ABCA3: variants seen among roughly 807,000 people sequenced by gnomAD.
The protein encoded by ABCA3 is ATP binding cassette subfamily A member 3.
A neutral mutation model predicts 172.8 loss-of-function variants in ABCA3; 88 were observed. That is an observed-to-expected ratio of 0.51 (90% CI 0.43 to 0.61). The LOEUF is 0.61. Among genes scored for constraint, ABCA3 ranks in the 20% least tolerant of loss-of-function variants. ABCA3 has a pLI of 0.00. For synonymous variants in ABCA3, 1,066 were observed against 983.8 expected (o/e 1.08, Z -1.56); for missense variants, 2,164 against 2,301.0 (o/e 0.94, Z 1.22).
intron 7 of ABCA3, among the ~76,000 whole-genome samples, chr16:2,321,602 T>G (rs1244615533): frequency 6.6e-6 from 1 of 152,132 alleles, no homozygotes; most frequent in African/African-American, 2.4e-5. Flanking sequence ...GCCTGACAGC[T>G]AAGCCTAGTC....
intron 18 of ABCA3, 76 bp downstream of exon 18, chr16:2,295,514 G>C: frequency 6.3e-7 from 1 of 1,595,532 alleles, no homozygotes; most frequent in South Asian, 1.1e-5. Context: ...AGGTGCCTCT[G>C]AGCACAAAGC....
rs149966368 is a variant in ABCA3, at chr16:2,323,365, T to C, written c.613+158A>G. 432 of 900,490 alleles carry C rather than the reference T, an allele frequency of 4.8e-4. 8 individuals are homozygous for C. The East Asian group carries it at 9.8e-3, about 20-fold the overall frequency. 55.8% of individuals were successfully genotyped at this position (900,490 alleles called of 1,614,324 possible). A position where few individuals can be genotyped will look rare whatever the true frequency, so the allele number is the denominator to read the frequency against. ...AAGGACACATGCACACGTATGTTTA[T>C]TGCGGCACTATTCACAACAGCAAAG... On this transcript the variant is annotated intron_variant, in intron 7 of 32. Transcript: ENST00000301732.
At position 2,320,886 on chromosome 16, in the gene ABCA3, G is replaced by A. The variant is rs1303740854; in HGVS notation, c.614-1046C>T. Among the ~76,000 whole-genome samples, 3 of 151,818 alleles carry A rather than the reference G, an allele frequency of 2.0e-5. No homozygotes were observed. The South Asian group carries it at 6.2e-4, about 32-fold the overall frequency. On this transcript the variant is annotated intron_variant, in intron 7 of 32. Coordinates refer to ENST00000301732, the MANE Select transcript of ABCA3 (RefSeq NM_001089.3). ...CCCTCAGGTTCTCTGTCTTGCTGAG[G>A]ACTAACCGACTATTCTTAATAACAA...
rs756765576 is a variant in ABCA3 at position 2,323,605 on chromosome 16, TTCTG to T, written c.527_530del (p.Thr176LysfsTer62). 1 of 1,614,152 alleles carries T rather than the reference TTCTG, an allele frequency of 6.2e-7. No homozygotes were observed. The highest frequency in any genetic ancestry group is 8.5e-7 in the Non-Finnish European group (1 of 1,180,030). On this transcript the variant is annotated frameshift_variant, in exon 7 of 33. Transcript: ENST00000301732. LOFTEE classifies it high-confidence loss of function. ...GGAAAAGGGAAGTAGTGTGCCAGCCTTCTGTCTCTTTCAGGAAAAAGGAGCCTGT... is the reference window on the plus strand; with the variant it reads ...GGAAAAGGGAAGTAGTGTGCCAGCCTTCTCTTTCAGGAAAAAGGAGCCTGT...
chr16:2,323,503 A>G lies in ABCA3; in HGVS notation c.613+20T>C. ...TCAACAGCCCGGGCTGGTAACACGAACCCTAACCGAGCTTCTCACCAGGTT... is the reference window on the plus strand; with the variant it reads ...TCAACAGCCCGGGCTGGTAACACGAGCCCTAACCGAGCTTCTCACCAGGTT... On this transcript the variant is annotated intron_variant, in intron 7 of 32. Coordinates refer to ENST00000301732, the MANE Select transcript of ABCA3 (RefSeq NM_001089.3). The G allele has an allele frequency of 6.2e-7, 1 of 1,613,790 alleles. No individual in the cohort carries two copies. Among genetic ancestry groups the G allele is most frequent in the Non-Finnish European group, 8.5e-7 (1 of 1,179,946 alleles).
chr16:2,323,940 C>T lies in ABCA3; in HGVS notation c.448-252G>A, dbSNP rs2240522. Among the ~76,000 whole-genome samples the T allele has an allele frequency of 1.8e-3, 267 of 152,248 alleles. 2 individuals are homozygous for T. The East Asian group carries it at 0.031, about 18-fold the overall frequency. On this transcript the variant is annotated intron_variant, in intron 6 of 32. Transcript: ENST00000301732. ...TCCTAATTCCATTGTGAAGTGCCAC[C>T]GAGTGTTCAGGATCCCTGGAGGGCC...
In ABCA3 at chr16:2,319,800, C is replaced by G. The variant is rs886051833; in HGVS notation, c.654G>C (p.Val218=). 16 of 1,613,900 alleles carry G rather than the reference C, an allele frequency of 9.9e-6. No homozygotes were observed. Among genetic ancestry groups the G allele is most frequent in the Non-Finnish European group, 1.3e-5 (15 of 1,180,032 alleles). The change falls in exon 8 of 33, where the codon GTG becomes GTC. Residue 218 remains valine (V), a synonymous_variant. Transcript: ENST00000301732. The part of the protein sequence containing the change: ...REGFLAVQHA[V]DRAIMEYHAD... ...CATGGTACTCCATGATGGCCCGGTC[C>G]ACAGCATGCTGCACGGCCAGGAAGC...
At chr16:2,301,129 G>A (rs1238698624) in intron 12 of ABCA3, among the ~76,000 whole-genome samples, 1 of 151,500 alleles carries the variant, frequency 6.6e-6, no homozygotes, top group African/African-American at 2.4e-5. Context: ...TACTCGGGAG[G>A]CTGAGGCAGG....
At position 2,297,721 on chromosome 16, in the gene ABCA3, G is replaced by A; in HGVS notation, c.2052+45C>T. The A allele has an allele frequency of 6.2e-7, 1 of 1,604,454 alleles. No individual in the cohort carries two copies. The highest frequency in any genetic ancestry group is 8.5e-7 in the Non-Finnish European group (1 of 1,179,842). On this transcript the variant is annotated intron_variant, in intron 16 of 32. Coordinates refer to ENST00000301732, the MANE Select transcript of ABCA3 (RefSeq NM_001089.3). The surrounding 1 kb of genome is among the most constrained non-coding windows in gnomAD (Gnocchi z 5.6). ...GGCCATGGCGGAAGGGCCATCCCAG[G>A]TCGAGCAGGAGGGGAACCCACTGCC...
intron 7 of ABCA3, among the ~76,000 whole-genome samples, chr16:2,322,152 C>T (rs1013231117): frequency 8.0e-5 from 12 of 150,250 alleles, no homozygotes; most frequent in East Asian, 2.0e-4. Context: ...GAGCCGAGGT[C>T]GCGCCACTGC....
At chr16:2,313,503 A>T (rs1283012122) in intron 10 of ABCA3, among the ~76,000 whole-genome samples, 1 of 148,884 alleles carries the variant, frequency 6.7e-6, no homozygotes, top group Non-Finnish European at 1.5e-5. Context: ...CAGTGAGCCA[A>T]GATTGTGCCA....
chr16:2,328,235 T>C (rs2093737453), intron 3 of ABCA3, among the ~76,000 whole-genome samples: 1 of 152,060 alleles, frequency 6.6e-6, no homozygotes, highest in Non-Finnish European at 1.5e-5. Flanking sequence ...AAATTTCAAA[T>C]ATCAGAAACA....
At chr16:2,324,760 T>G (rs879353655) in intron 5 of ABCA3, among the ~76,000 whole-genome samples, 2 of 151,970 alleles carry the variant, frequency 1.3e-5, no homozygotes, top group Non-Finnish European at 2.9e-5. Context: ...TGGTGCGGGT[T>G]TTTTGGAGCA....
intron 11 of ABCA3, among the ~76,000 whole-genome samples, chr16:2,305,306 G>C (rs2093695855): frequency 6.6e-6 from 1 of 151,472 alleles, no homozygotes; most frequent in South Asian, 2.1e-4. Flanking sequence ...GCTAATTTTT[G>C]TATTTTTTTT....
In ABCA3 at chr16:2,284,864, C is replaced by T. The variant is rs757197045; in HGVS notation, c.3618G>A (p.Ala1206=). The T allele has an allele frequency of 5.0e-6, 8 of 1,613,866 alleles. No individual in the cohort carries two copies. In the South Asian group the frequency reaches 5.5e-5, roughly 11 times the overall value. ...TGGTCAGCCTCGTGTAGGCAGTGGCCGCCCCCAAGAAGAAGAAGTTCATCA... is the reference window on the plus strand; with the variant it reads ...TGGTCAGCCTCGTGTAGGCAGTGGCTGCCCCCAAGAAGAAGAAGTTCATCA... ...MYLMNFFFLG[A]ATAYTRLTIF... The change falls in exon 24 of 33, where the codon GCG becomes GCA. Residue 1206 remains alanine, a synonymous_variant. Coordinates refer to ENST00000301732, the MANE Select transcript of ABCA3 (RefSeq NM_001089.3). This position sits in a 1 kb window ranked among gnomAD's most constrained non-coding sequence, Gnocchi z 5.9.
At position 2,314,928 on chromosome 16, in the gene ABCA3, A is replaced by AGTGCACT. The variant is rs1466118160; in HGVS notation, c.1111+2348_1111+2354dup. ...GAGTCTTGCTCTGTTGCCAGGCTGGAGTGCACTGGCACAACCTCGGCTCAC... is the reference window on the plus strand; with the variant it reads ...GAGTCTTGCTCTGTTGCCAGGCTGGAGTGCACTGTGCACTGGCACAACCTCGGCTCAC... On this transcript the variant is annotated intron_variant, in intron 10 of 32. Coordinates refer to ENST00000301732, the MANE Select transcript of ABCA3 (RefSeq NM_001089.3). 3.2e-5 allele frequency among the ~76,000 whole-genome samples: 4 copies of AGTGCACT among 124,960 alleles called. No individual in the cohort carries two copies. In the Admixed American group the frequency reaches 4.2e-4, roughly 13 times the overall value. 82.0% of individuals were successfully genotyped at this position (124,960 alleles called of 152,430 possible).
chr16:2,312,740 C>T (rs1033264945), intron 10 of ABCA3, among the ~76,000 whole-genome samples: 4 of 151,986 alleles, frequency 2.6e-5, no homozygotes, highest in African/African-American at 7.3e-5. Flanking sequence ...CCATGTTGGC[C>T]AGGCTGGTCT....
chr16:2,276,553 T>A lies in ABCA3; in HGVS notation c.*121A>T. ...TGTGCATACTGCCTTGAATTTTTCATATCCATCATAGAAAAAAGTGATTAA... is the reference window on the plus strand; with the variant it reads ...TGTGCATACTGCCTTGAATTTTTCAAATCCATCATAGAAAAAAGTGATTAA... On this transcript the variant is annotated 3_prime_UTR_variant, in exon 33 of 33. Transcript: ENST00000301732. 2 of 1,491,304 alleles carry A rather than the reference T, an allele frequency of 1.3e-6. No individual in the cohort carries two copies. Among genetic ancestry groups the A allele is most frequent in the South Asian group, 1.2e-5 (1 of 81,746 alleles). The allele number at this position is 1,491,304 out of a possible 1,614,324, so 92.4% of individuals were successfully genotyped here.
chr16:2,294,969 T>A (rs112905546), intron 18 of ABCA3, among the ~76,000 whole-genome samples: 3 of 151,868 alleles, frequency 2.0e-5, no homozygotes, highest in African/African-American at 7.3e-5. Flanking sequence ...GGCAGCAGAG[T>A]GAGGCTCCAT....
Sources: allele counts gnomAD v4.1 joint callset (sites outside exome capture counted in the v4.1 genomes callset), GRCh38; gene constraint gnomAD v4.1.1; non-coding constraint Gnocchi (gnomAD v3.1); transcripts MANE v1.5; gene names NCBI Gene and HGNC (gene_info 2026-07-23, HGNC 2026-07-21).